Variants in SYNE2 observed in about 807,000 individuals in gnomAD.
SYNE2 encodes the protein nesprin-2.
SYNE2 carries 431 observed loss-of-function variants against 856.3 expected under a neutral mutation model. That is an observed-to-expected ratio of 0.50 (90% CI 0.47 to 0.55). The LOEUF (loss-of-function observed/expected upper bound fraction) is 0.55, where lower values mean the gene tolerates loss of function less well. SYNE2 is among the 20% of genes least tolerant of loss of function. SYNE2 has a pLI of 0.00. For synonymous variants in SYNE2, 2,923 were observed against 2,872.3 expected, an observed-to-expected ratio of 1.02 and a Z score of -0.56; for missense variants, 8,129 against 8,023.2, an observed-to-expected ratio of 1.01 and a Z score of -0.50.
At chr14:63,953,111 C>G (rs765491106) in intron 7 of SYNE2, among the ~76,000 whole-genome samples, 5 of 152,146 alleles carry the variant, frequency 3.3e-5, no homozygotes, top group Non-Finnish European at 7.4e-5. Context: ...AGCCCTTGCT[C>G]TCAAAGGCTT....
At chr14:64,203,836 C>T (rs968749608) in intron 100 of SYNE2, among the ~76,000 whole-genome samples, 1 of 152,122 alleles carries the variant, frequency 6.6e-6, no homozygotes, top group African/African-American at 2.4e-5. Context: ...TGCTTGGAGA[C>T]CGGATTGGGG....
intron 1 of SYNE2, among the ~76,000 whole-genome samples, chr14:63,871,891 G>A (rs1896940434): frequency 6.6e-6 from 1 of 152,092 alleles, no homozygotes; most frequent in Non-Finnish European, 1.5e-5. Context: ...GTATATACCT[G>A]CTTTAGCATC....
At position 63,763,112 on chromosome 14, in the gene SYNE2, C is replaced by T. The variant is rs113373822; in HGVS notation, c.-305+1126C>T. On this transcript the variant is annotated intron_variant, in intron 1 of 23. Coordinates refer to the SYNE2 transcript ENST00000674003. ...CCTCTCCAGTAGCTGGGACTACAGG[C>T]GCCCACCACCACACCTGGCTAATTT... Among the ~76,000 whole-genome samples, 165 of 152,124 alleles carry T rather than the reference C, an allele frequency of 1.1e-3. 1 individual carries two copies. The highest frequency in any genetic ancestry group is 3.4e-3 in the African/African-American group (143 of 41,488).
intron 6 of SYNE2, among the ~76,000 whole-genome samples, chr14:63,947,224 A>G (rs983330225): frequency 2.0e-5 from 3 of 152,186 alleles, no homozygotes; most frequent in African/African-American, 4.8e-5. Flanking sequence ...ATTTTGTCCA[A>G]TAGGATTTTC....
chr14:63,847,812 G>A (rs907392308), intron 1 of SYNE2, among the ~76,000 whole-genome samples: 3 of 151,786 alleles, frequency 2.0e-5, no homozygotes, highest in East Asian at 1.9e-4. Flanking sequence ...TCTTGAACTC[G>A]TGACCTCAGG....
chr14:63,878,822 G>C (rs947790897), intron 1 of SYNE2, among the ~76,000 whole-genome samples: 1 of 152,220 alleles, frequency 6.6e-6, no homozygotes, highest in African/African-American at 2.4e-5. Context: ...TGGAATTACA[G>C]GTGTGAGCCA....
chr14:63,857,683 GT>G (rs1892211213), intron 1 of SYNE2, among the ~76,000 whole-genome samples: 1 of 152,098 alleles, frequency 6.6e-6, no homozygotes, highest in Non-Finnish European at 1.5e-5. Context: ...CCTCATTGTG[GT>G]TTTAATTTCC....
intron 1 of SYNE2, among the ~76,000 whole-genome samples, chr14:63,827,625 C>CAAAAAAAAAAAAAAAAAAAAAAAAA (rs11334415): frequency 2.5e-4 from 7 of 28,396 alleles, no homozygotes; most frequent in Admixed American, 5.5e-4. Flanking sequence ...AACTCTGTCT[C>CAAAAAAAAAAAAAAAAAAAAAAAAA]AAAAAAAAAA....
intron 95 of SYNE2, among the ~76,000 whole-genome samples, chr14:64,176,449 T>G (rs2098435847): frequency 6.6e-6 from 1 of 152,218 alleles, no homozygotes; most frequent in Non-Finnish European, 1.5e-5. Flanking sequence ...TGAAAATGCT[T>G]TGTAAACAGG....
At position 63,854,938 on chromosome 14, in the gene SYNE2, T is replaced by C. The variant is rs571149872; in HGVS notation, c.-52+1795T>C. ...CGGGTGAAAAGCAATTGGTTCATTTTTCATTATTATATTTTTCATTACTTA... is the reference window on the plus strand; with the variant it reads ...CGGGTGAAAAGCAATTGGTTCATTTCTCATTATTATATTTTTCATTACTTA... On this transcript the variant is annotated intron_variant, in intron 1 of 115. Coordinates refer to ENST00000555002, the MANE Select transcript of SYNE2 (RefSeq NM_182914.3). 9.2e-5 allele frequency among the ~76,000 whole-genome samples: 14 copies of C among 152,338 alleles called. No homozygotes were observed. In the East Asian group the frequency reaches 1.3e-3, roughly 15 times the overall value.
chr14:64,159,397 C>T lies in SYNE2; in HGVS notation c.16049C>T (p.Ser5350Phe). ...GGCAAACTCAAAGGTCTCTGCCCCT[C>T]TGTTGCTGAAATAATCGAAGAGAAA... is the stretch of plus-strand genomic sequence containing the variant. Reference protein sequence around the residue: ...VIGKLKGLCPSVAEIIEEKCQ... With the variant: ...VIGKLKGLCPFVAEIIEEKCQ... The change falls in exon 87 of 116, where the codon TCT becomes TTT. Residue 5350 changes from serine (S) to phenylalanine (F), a missense_variant. By Grantham distance (155) the Ser-to-Phe change is radical (BLOSUM62 -2). This residue lies in a region of SYNE2 where 5,410 missense variants were observed against 5,284.8 expected (regional missense o/e 1.02). Transcript: ENST00000555002. 6.2e-7 allele frequency: 1 copy of T among 1,613,982 alleles called. No individual in the cohort carries two copies. Among genetic ancestry groups the T allele is most frequent in the Non-Finnish European group, 8.5e-7 (1 of 1,179,902 alleles).
Position 64,163,513 on chromosome 14 carries a change from C to T in SYNE2, c.16411C>T (p.Pro5471Ser), listed in dbSNP as rs756335931. The change falls in exon 89 of 116, where the codon CCC (proline) becomes TCC (serine). Residue 5471 changes from proline (P) to serine (S), a missense_variant. Physicochemically the swap from Pro to Ser is moderately conservative, Grantham distance 74. Coordinates refer to ENST00000555002, the MANE Select transcript of SYNE2 (RefSeq NM_182914.3). ...ESSTHMLLPG[P>S]LHSLQRAAYL... ...CAGCACCCACATGCTCCTCCCGGGCCCCCTGCACTCTCTCCAGAGGGCTGC... is the reference window on the plus strand; with the variant it reads ...CAGCACCCACATGCTCCTCCCGGGCTCCCTGCACTCTCTCCAGAGGGCTGC... The T allele has an allele frequency of 3.1e-6, 5 of 1,614,006 alleles. No homozygotes were observed. The East Asian group carries it at 6.7e-5, about 22-fold the overall frequency.
Position 64,003,054 on chromosome 14 carries a change from C to T in SYNE2, c.4121C>T (p.Ala1374Val). Residue 1374 changes from alanine (A) to valine (V), a missense_variant, in exon 30 of 116, where the codon GCC becomes GTC. Ala to Val is a moderately conservative substitution (Grantham distance 64). This residue lies in a region of SYNE2 where 2,422 missense variants were observed against 2,357.4 expected (regional missense o/e 1.03). Transcript: ENST00000555002. ...GAAATTCATCTGATGAAAGACAAGG[C>T]CAAACATTTGGATAAATGTTTGAAG... ...EGEIHLMKDK[A>V]KHLDKCLKML... 2.5e-6 allele frequency: 4 copies of T among 1,614,022 alleles called. No individual in the cohort carries two copies. Among genetic ancestry groups the T allele is most frequent in the Non-Finnish European group, 2.5e-6 (3 of 1,179,986 alleles).
chr14:64,211,906 T>A (rs1304714034), intron 103 of SYNE2, 55 bp from the exon 104 acceptor site: 1 of 1,613,188 alleles, frequency 6.2e-7, no homozygotes, highest in Non-Finnish European at 8.5e-7. Flanking sequence ...TTGCTGTCTG[T>A]CTGAACTCTT....
At chr14:63,950,971 T>C (rs2096145875) in intron 7 of SYNE2, among the ~76,000 whole-genome samples, 1 of 152,050 alleles carries the variant, frequency 6.6e-6, no homozygotes, top group Non-Finnish European at 1.5e-5. Flanking sequence ...AATGCCCAAT[T>C]AAAAATTGGG....
chr14:63,963,941 G>A lies in SYNE2; in HGVS notation c.931G>A (p.Glu311Lys). The A allele has an allele frequency of 6.2e-7, 1 of 1,613,114 alleles. No homozygotes were observed. The highest frequency in any genetic ancestry group is 8.5e-7 in the Non-Finnish European group (1 of 1,179,294). The change falls in exon 10 of 116, where the codon GAA becomes AAA. Residue 311 changes from glutamate (E) to lysine (K), a missense_variant. Around this residue, in one of 3 missense-constraint regions of SYNE2, gnomAD observed 2,422 missense variants for 2,357.4 expected, o/e 1.03. Transcript: ENST00000555002. ...DAMGWLTLQK[E>K]KLQKLLKDSE... ...TATGGGCTGGTTAACTCTGCAAAAG[G>A]AAAAACTACAGAAGTTGCTAAAGGA...
At position 63,995,131 on chromosome 14, in the gene SYNE2, G is replaced by A; in HGVS notation, c.2869G>A (p.Glu957Lys). The change falls in exon 23 of 116, where the codon GAA (glutamate) becomes AAA (lysine). Residue 957 changes from glutamate (E) to lysine (K), a missense_variant. Transcript: ENST00000555002. ...GCTTAGTGACAATATTTTAAAACTT[G>A]AAAAGCAAATAAATAAAGAAAAGAA... is the stretch of plus-strand genomic sequence containing the variant. ...GKLSDNILKL[E>K]KQINKEKKLI... 3 of 1,603,534 alleles carry A rather than the reference G, an allele frequency of 1.9e-6. No individual in the cohort carries two copies. The highest frequency in any genetic ancestry group is 2.6e-6 in the Non-Finnish European group (3 of 1,174,652).
Position 63,980,682 on chromosome 14 carries a change from C to T in SYNE2, c.1598C>T (p.Ala533Val), listed in dbSNP as rs371740578. 1.4e-5 allele frequency: 22 copies of T among 1,606,110 alleles called. No individual in the cohort carries two copies. In the East Asian group the frequency reaches 4.0e-4, roughly 29 times the overall value. ...HKFIEEKEFL[A>V]RLDTSFQKCG... ...TTTATTGAAGAAAAAGAATTCCTAG[C>T]TCGACTTGATACTTCTTTTCAAAAA... The change falls in exon 15 of 116, where the codon GCT (alanine) becomes GTT (valine). Residue 533 changes from alanine to valine, a missense_variant. Ala to Val is a moderately conservative substitution (Grantham distance 64). Around this residue, in one of 3 missense-constraint regions of SYNE2, gnomAD observed 2,422 missense variants for 2,357.4 expected, o/e 1.03. Coordinates refer to ENST00000555002, the MANE Select transcript of SYNE2 (RefSeq NM_182914.3).
chr14:64,014,929 T>TTATA (rs372523173), intron 32 of SYNE2, among the ~76,000 whole-genome samples: 29 of 78,812 alleles, frequency 3.7e-4, no homozygotes, highest in East Asian at 7.7e-4. Flanking sequence ...GTATAATTCC[T>TTATA]TATATATATA....
Sources: gnomAD v4.1 joint callset for allele counts (sites outside exome capture counted in the v4.1 genomes callset) on GRCh38, gnomAD v4.1.1 for gene constraint, gnomAD v4.1.1 regional missense constraint, MANE v1.5 for transcripts, NCBI Gene and HGNC (gene_info 2026-07-23, HGNC 2026-07-21) for gene names.